Variants in NDST3 observed in about 807,000 individuals in gnomAD.
NDST3 encodes bifunctional heparan sulfate N-deacetylase/N-sulfotransferase 3.
Under a neutral mutation model 96.1 loss-of-function variants are expected in NDST3, and 58 were observed. The observed-to-expected ratio is 0.60, with a 90% confidence interval of 0.49 to 0.75. NDST3 has a LOEUF of 0.75. NDST3 is among the 30% of genes least tolerant of loss of function. The probability of loss-of-function intolerance (pLI) is 0.00; values close to 1 mark genes in which losing one functional copy is unlikely to be tolerated. For missense variants in NDST3, 788 were observed against 1,034.2 expected, an observed-to-expected ratio of 0.76 and a Z score of 3.27; for synonymous variants, 333 against 359.7, an observed-to-expected ratio of 0.93 and a Z score of 0.84.
At chr4:118,204,836 T>C (rs2125982639) in intron 6 of NDST3, among the ~76,000 whole-genome samples, 1 of 144,514 alleles carries the variant, frequency 6.9e-6, no homozygotes, top group East Asian at 2.0e-4. Flanking sequence ...ACAATGAATT[T>C]GATTAGTTTA....
chr4:118,201,127 A>C (rs561453613), intron 6 of NDST3, among the ~76,000 whole-genome samples: 1 of 152,118 alleles, frequency 6.6e-6, no homozygotes, highest in Admixed American at 6.5e-5. Context: ...TCATTTTTTT[A>C]TAACTGTGTA....
chr4:118,176,266 A>G (rs1476689187), intron 6 of NDST3, among the ~76,000 whole-genome samples: 3 of 151,966 alleles, frequency 2.0e-5, no homozygotes, highest in Non-Finnish European at 4.4e-5. Flanking sequence ...TTAAAAAAAA[A>G]CCTGCAAGCA....
Position 118,051,572 on chromosome 4 carries a change from C to A in NDST3, c.-155-2184C>A, listed in dbSNP as rs62326074. The stretch of plus-strand genomic sequence containing the variant: ...AAATCAATAAGAAAGAAACAACCAA[C>A]CCCCTTTAAAAACAGGCAAAGGACA... On this transcript the variant is annotated intron_variant, in intron 1 of 13. Coordinates refer to ENST00000296499, the MANE Select transcript of NDST3 (RefSeq NM_004784.3). Among the ~76,000 whole-genome samples the A allele has an allele frequency of 1.5e-3, 222 of 152,052 alleles. 1 individual carries two copies. Among genetic ancestry groups the A allele is most frequent in the Non-Finnish European group, 2.5e-3 (167 of 67,920 alleles).
chr4:118,065,282 A>C (rs1405227203), intron 2 of NDST3, among the ~76,000 whole-genome samples: 2 of 152,152 alleles, frequency 1.3e-5, no homozygotes, highest in African/African-American at 2.4e-5. Flanking sequence ...TGGGAAATGA[A>C]ATCTTGATGG....
chr4:118,210,701 G>C (rs146508971), intron 6 of NDST3, among the ~76,000 whole-genome samples: 1 of 151,220 alleles, frequency 6.6e-6, no homozygotes, highest in African/African-American at 2.4e-5. Context: ...ACTTGAACCC[G>C]GGAGGCAGAG....
chr4:118,138,063 A>G lies in NDST3; in HGVS notation c.1234A>G (p.Ile412Val), dbSNP rs1052201670. Residue 412 changes from isoleucine to valine, a missense_variant, in exon 5 of 14, where the codon ATT becomes GTT. Physicochemically the swap from Ile to Val is conservative, Grantham distance 29 (BLOSUM62 3). Transcript: ENST00000296499. Reference sequence around the variant, plus strand: ...ATTTGCTTGGTCTTAGGAGCACGGCATTCCAACGGACATGGGCTACGCTGT... The same window carrying G: ...ATTTGCTTGGTCTTAGGAGCACGGCGTTCCAACGGACATGGGCTACGCTGT... Reference protein sequence around the residue: ...LNKKFALEHGIPTDMGYAVAP... With the variant: ...LNKKFALEHGVPTDMGYAVAP... The G allele has an allele frequency of 1.9e-6, 3 of 1,606,994 alleles. No homozygotes were observed. The highest frequency in any genetic ancestry group is 1.7e-4 in the Middle Eastern group (1 of 6,022).
At chr4:118,126,107 G>A (rs1375052913) in intron 4 of NDST3, among the ~76,000 whole-genome samples, 6 of 151,850 alleles carry the variant, frequency 4.0e-5, no homozygotes, top group Non-Finnish European at 5.9e-5. Context: ...TGTCACCTTA[G>A]GAAAACAAAT....
chr4:118,109,105 C>A (rs1050637275), intron 3 of NDST3, among the ~76,000 whole-genome samples: 2 of 152,176 alleles, frequency 1.3e-5, no homozygotes, highest in African/African-American at 4.8e-5. Flanking sequence ...AGACTCATAG[C>A]ATAACTAACT....
chr4:118,115,265 G>A (rs554727611), intron 4 of NDST3, among the ~76,000 whole-genome samples: 1 of 152,212 alleles, frequency 6.6e-6, no homozygotes, highest in African/African-American at 2.4e-5. Flanking sequence ...GCACTGAGAA[G>A]GCAGAAATAT....
chr4:118,177,049 C>T (rs1212565262), intron 6 of NDST3, among the ~76,000 whole-genome samples: 2 of 151,882 alleles, frequency 1.3e-5, no homozygotes, highest in South Asian at 2.1e-4. Context: ...AGCCATAAGA[C>T]AGTAATAAGC....
intron 6 of NDST3, among the ~76,000 whole-genome samples, chr4:118,176,209 A>G (rs564084929): frequency 6.6e-6 from 1 of 152,058 alleles, no homozygotes; most frequent in South Asian, 2.1e-4. Context: ...ACATTTACCT[A>G]TGTAACAAAC....
At chr4:118,170,764 C>G (rs1419125682) in intron 6 of NDST3, among the ~76,000 whole-genome samples, 2 of 152,006 alleles carry the variant, frequency 1.3e-5, no homozygotes, top group African/African-American at 4.8e-5. Flanking sequence ...GTGTGGTGAA[C>G]TGTAAGTAAT....
chr4:118,243,429 C>T (rs961958661), intron 12 of NDST3, among the ~76,000 whole-genome samples: 2 of 152,162 alleles, frequency 1.3e-5, no homozygotes, highest in Admixed American at 6.5e-5. Context: ...GTCATTTATA[C>T]TTTGCTGTTA....
chr4:118,045,111 T>C (rs900423005), intron 1 of NDST3, among the ~76,000 whole-genome samples: 13 of 152,164 alleles, frequency 8.5e-5, no homozygotes, highest in African/African-American at 3.1e-4. Context: ...ATTTATTTTT[T>C]AAGTATTTCT....
rs1327236266 is a variant in NDST3 at position 118,040,867 on chromosome 4, T to TTA, written c.-156+6289_-156+6290dup. 9.0e-3 allele frequency among the ~76,000 whole-genome samples: 385 copies of TTA among 42,650 alleles called. 3 individuals are homozygous for TTA. The highest frequency in any genetic ancestry group is 0.023 in the East Asian group (11 of 470). 28.0% of individuals were successfully genotyped at this position (42,650 alleles called of 152,430 possible). On this transcript the variant is annotated intron_variant, in intron 1 of 13. Transcript: ENST00000296499. ...AATTTATATATATATTTATATATTTTTATATATATATATATTTATATATAT... is the reference window on the plus strand; with the variant it reads ...AATTTATATATATATTTATATATTTTTATATATATATATATATTTATATATAT...
chr4:118,077,470 C>G (rs1214403893), intron 2 of NDST3, among the ~76,000 whole-genome samples: 1 of 152,176 alleles, frequency 6.6e-6, no homozygotes, highest in Non-Finnish European at 1.5e-5. Context: ...TCTGTGGTAG[C>G]AGGGGAGAGA....
At chr4:118,219,816 G>GA in intron 6 of NDST3, among the ~76,000 whole-genome samples, 1 of 151,626 alleles carries the variant, frequency 6.6e-6, no homozygotes, top group Admixed American at 6.6e-5. Context: ...AATCTACAAG[G>GA]AAAAAACAAA....
At position 118,237,180 on chromosome 4, in the gene NDST3, T is replaced by C. The variant is rs1262021265; in HGVS notation, c.2078T>C (p.Ile693Thr). The C allele has an allele frequency of 6.2e-7, 1 of 1,613,526 alleles. No individual in the cohort carries two copies. The highest frequency in any genetic ancestry group is 1.7e-5 in the Admixed American group (1 of 59,938). ...GTTCCCAAAGCCAAGATTATCACCA[T>C]TCTCATTGACCCTTCAGACCGAGCA... Reference protein sequence around the residue: ...SLVPKAKIITILIDPSDRAYS... With the variant: ...SLVPKAKIITTLIDPSDRAYS... The change falls in exon 10 of 14, where the codon ATT becomes ACT. Residue 693 changes from isoleucine to threonine, a missense_variant. Ile to Thr is a moderately conservative substitution (Grantham distance 89, BLOSUM62 -1). Transcript: ENST00000296499.
intron 4 of NDST3, among the ~76,000 whole-genome samples, chr4:118,135,333 G>A (rs1369320372): frequency 1.3e-5 from 2 of 152,130 alleles, no homozygotes; most frequent in East Asian, 1.9e-4. Flanking sequence ...AAAATCTACA[G>A]TGAAAGTAGA....
Sources: allele counts gnomAD v4.1 joint callset (sites outside exome capture counted in the v4.1 genomes callset), GRCh38; gene constraint gnomAD v4.1.1; transcripts MANE v1.5; gene names NCBI Gene and HGNC (gene_info 2026-07-23, HGNC 2026-07-21).